CPZ: variants seen among roughly 807,000 people sequenced by gnomAD.
CPZ encodes the protein carboxypeptidase Z, also known as VEZT/CPZ fusion.
In CPZ, 103 loss-of-function variants were observed where a neutral mutation model predicts 61.8. The observed-to-expected ratio is 1.67, with a 90% confidence interval of 1.42 to 1.96. CPZ has a LOEUF of 1.96. CPZ is among the 30% of genes most tolerant of loss of function. CPZ has a pLI of 0.00. For missense variants in CPZ, 1,461 were observed against 914.9 expected, an observed-to-expected ratio of 1.60 and a Z score of -7.70; for synonymous variants, 551 against 373.7, an observed-to-expected ratio of 1.47 and a Z score of -5.47.
chr4:8,605,614 CCATCCATCCATCATTGATA>C (rs1714917374), intron 4 of CPZ, among the ~76,000 whole-genome samples: 2 of 150,542 alleles, frequency 1.3e-5, no homozygotes, highest in South Asian at 4.2e-4. Context: ...ATCCATCCAT[CCATCCATCCATCATTGATA>C]TATCCATTCA....
At chr4:8,618,152 C>T (rs1024492947) in intron 9 of CPZ, 4 of 453,642 alleles carry the variant, frequency 8.8e-6, no homozygotes, top group African/African-American at 8.0e-5. Context: ...TGCTCAATGC[C>T]CATAGAGATG....
In CPZ at chr4:8,619,708, C is replaced by A; in HGVS notation, c.*91C>A. 1 of 967,274 alleles carries A rather than the reference C, an allele frequency of 1.0e-6. No homozygotes were observed. The highest frequency in any genetic ancestry group is 1.5e-6 in the Non-Finnish European group (1 of 687,010). 59.9% of individuals were successfully genotyped at this position (967,274 alleles called of 1,614,324 possible). ...TCTTGATTTTGTCTGCCACAGACAT[C>A]CCACAAAGCCGCTGCCATTTTATTA... On this transcript the variant is annotated 3_prime_UTR_variant, in exon 11 of 11. Transcript: ENST00000360986.
Position 8,617,769 on chromosome 4 carries a change from T to C in CPZ, c.1504-660T>C, listed in dbSNP as rs1716304855. On this transcript the variant is annotated intron_variant, in intron 9 of 10. Transcript: ENST00000360986. ...CATCCTTGGACCCCACGTTGTTTTC[T>C]GCTGACTAGAGCAGGGGCCGTGTGG... Among the ~76,000 whole-genome samples, 3 of 152,288 alleles carry C rather than the reference T, an allele frequency of 2.0e-5. No homozygotes were observed. The South Asian group carries it at 6.2e-4, about 32-fold the overall frequency.
intron 10 of CPZ, 55 bp from the exon 11 acceptor site, chr4:8,619,207 C>T (rs1716469358): frequency 1.4e-6 from 2 of 1,454,756 alleles, no homozygotes; most frequent in Admixed American, 2.1e-5. Flanking sequence ...ACCCATCACC[C>T]CGTGGCTGGG....
rs780303057 is a variant in CPZ, at chr4:8,601,110, C to A, written c.122-13C>A. ...CTGCAGGAGGGACTGACCTGCCGAC[C>A]CTGCCTCCCCAGCCACCTGCGTGGA... On this transcript the variant is annotated splice_polypyrimidine_tract_variant and intron_variant, in intron 2 of 10. Transcript: ENST00000360986. 4.5e-6 allele frequency: 7 copies of A among 1,556,066 alleles called. No individual in the cohort carries two copies. The highest frequency in any genetic ancestry group is 2.3e-5 in the East Asian group (1 of 43,854).
chr4:8,611,621 G>A (rs1276894023), intron 7 of CPZ, among the ~76,000 whole-genome samples: 1 of 152,158 alleles, frequency 6.6e-6, no homozygotes. Flanking sequence ...ATGAAGTCGG[G>A]GAAAATGCAG....
intron 4 of CPZ, among the ~76,000 whole-genome samples, chr4:8,605,652 A>G (rs1414786083): frequency 8.4e-6 from 1 of 119,112 alleles, no homozygotes; most frequent in African/African-American, 4.2e-5. Flanking sequence ...CATCCACTCA[A>G]GGGCCAACCA....
In CPZ at chr4:8,601,293, C is replaced by T. The variant is rs757703530; in HGVS notation, c.292C>T (p.Arg98Trp). The change falls in exon 3 of 11, where the codon CGG (arginine) becomes TGG (tryptophan). Residue 98 changes from arginine to tryptophan, a missense_variant. Transcript: ENST00000360986. The part of the protein sequence containing the change: ...LLEGQCNPDL[R>W]LLGCAVLAPR... ...GGAAGGCCAGTGCAACCCGGACCTGCGGCTGCTGGGCTGTGCTGTGCTGGC... is the reference window on the plus strand; with the variant it reads ...GGAAGGCCAGTGCAACCCGGACCTGTGGCTGCTGGGCTGTGCTGTGCTGGC... 2.5e-5 allele frequency: 41 copies of T among 1,613,068 alleles called. No homozygotes were observed. Among genetic ancestry groups the T allele is most frequent in the East Asian group, 6.7e-5 (3 of 44,868 alleles).
At position 8,606,130 on chromosome 4, in the gene CPZ, G is replaced by C. The variant is rs753166608; in HGVS notation, c.851G>C (p.Arg284Pro). 4 of 1,613,986 alleles carry C rather than the reference G, an allele frequency of 2.5e-6. No homozygotes were observed. In the South Asian group the frequency reaches 3.3e-5, roughly 13 times the overall value. ...PRIQRLLNTT[R>P]IHLLPSMNPD... The stretch of plus-strand genomic sequence containing the variant: ...ATCCAGCGCCTGCTCAACACCACCC[G>C]CATCCACCTGCTGCCCTCCATGAAC... Residue 284 changes from arginine (R) to proline (P), a missense_variant, in exon 5 of 11, where the codon CGC becomes CCC. By Grantham distance (103) the Arg-to-Pro change is moderately radical. Transcript: ENST00000360986.
intron 4 of CPZ, among the ~76,000 whole-genome samples, chr4:8,605,641 T>TCATCCATCCATCCATCCATCCATCCATC (rs1560294278): frequency 7.6e-6 from 1 of 131,418 alleles, no homozygotes; most frequent in African/African-American, 3.8e-5. Flanking sequence ...ATATATCCAT[T>TCATCCATCCATCCATCCATCCATCCATC]CATCCACTCA....
intron 1 of CPZ, among the ~76,000 whole-genome samples, chr4:8,593,469 G>T (rs1713950203): frequency 6.6e-6 from 1 of 152,192 alleles, no homozygotes; most frequent in Admixed American, 6.5e-5. Flanking sequence ...GGGATCCTCT[G>T]GGAGGTCTGC....
intron 9 of CPZ, among the ~76,000 whole-genome samples, chr4:8,616,852 A>G (rs2109347675): frequency 6.6e-6 from 1 of 152,326 alleles, no homozygotes; most frequent in Non-Finnish European, 1.5e-5. Flanking sequence ...AAGTGTGGAC[A>G]AGAGCATCCA....
Position 8,612,018 on chromosome 4 carries a change from CTT to C in CPZ, c.1228-6_1228-5del. 6.2e-7 allele frequency: 1 copy of C among 1,613,922 alleles called. No individual in the cohort carries two copies. The highest frequency in any genetic ancestry group is 1.7e-5 in the Admixed American group (1 of 60,002). On this transcript the variant is annotated splice_polypyrimidine_tract_variant and splice_region_variant and intron_variant, in intron 7 of 10. Coordinates refer to ENST00000360986, the MANE Select transcript of CPZ (RefSeq NM_001014447.3). ...CCCTTTCCTTATCTGAGCCAGGTTT[CTT>C]TTCCAGATGTTCAAGCTGCTGTCCA...
Position 8,619,322 on chromosome 4 carries a change from C to A in CPZ, c.1664C>A (p.Ala555Asp). 2 of 1,614,096 alleles carry A rather than the reference C, an allele frequency of 1.2e-6. No homozygotes were observed. Among genetic ancestry groups the A allele is most frequent in the East Asian group, 2.2e-5 (1 of 44,874 alleles). ...GGTATCCACATTGTCATTGCCCAAG[C>A]CCCTGGCTACGCCAAAGTCATCAAG... is the stretch of plus-strand genomic sequence containing the variant. ...PPGIHIVIAQ[A>D]PGYAKVIKKV... Residue 555 changes from alanine (A) to aspartate (D), a missense_variant, in exon 11 of 11, where the codon GCC (alanine) becomes GAC (aspartate). Physicochemically the swap from Ala to Asp is moderately radical, Grantham distance 126. Transcript: ENST00000360986.
intron 8 of CPZ, among the ~76,000 whole-genome samples, chr4:8,612,907 C>A (rs1397615989): frequency 6.6e-6 from 1 of 152,220 alleles, no homozygotes; most frequent in African/African-American, 2.4e-5. Flanking sequence ...TGCAGGCGGG[C>A]AGAGAAGGTG....
At chr4:8,612,201 GGGTGCAGGGGCT>G in intron 8 of CPZ, 39 bp downstream of exon 8, 3 of 345,390 alleles carry the variant, frequency 8.7e-6, no homozygotes, top group Non-Finnish European at 1.4e-5. Flanking sequence ...GGGGGGTGGG[GGGTGCAGGGGCT>G]GGGTGGGGCA....
chr4:8,616,464 AG>A (rs1398308901), intron 9 of CPZ, among the ~76,000 whole-genome samples: 4 of 150,968 alleles, frequency 2.6e-5, no homozygotes, highest in Non-Finnish European at 5.9e-5. Context: ...GGGTGGGGCT[AG>A]GGGAGGCAGA....
At position 8,606,907 on chromosome 4, in the gene CPZ, C is replaced by T. The variant is rs2302580; in HGVS notation, c.1068+9C>T. 664,600 of 1,594,260 alleles carry T rather than the reference C, an allele frequency of 0.42. 143,406 individuals are homozygous for T. Among genetic ancestry groups the T allele is most frequent in the Admixed American group, 0.57 (32,507 of 56,892 alleles). On this transcript the variant is annotated intron_variant, in intron 6 of 10. Coordinates refer to ENST00000360986, the MANE Select transcript of CPZ (RefSeq NM_001014447.3). ...ACTACTGGTGGGGTAAGGTAGGAGC[C>T]GCCGCTGCCCATGCTGGTCTCCACC...
chr4:8,614,334 C>T (rs748272506), intron 8 of CPZ, 25 bp from the exon 9 acceptor site: 57 of 1,603,438 alleles, frequency 3.6e-5, no homozygotes, highest in African/African-American at 1.9e-4. Context: ...ACACCCCTGA[C>T]GTCCCCGCTG....
Sources: allele counts gnomAD v4.1 joint callset (sites outside exome capture counted in the v4.1 genomes callset), GRCh38; gene constraint gnomAD v4.1.1; transcripts MANE v1.5; gene names NCBI Gene and HGNC (gene_info 2026-07-23, HGNC 2026-07-21).